Variants in RBFOX1 observed in about 807,000 individuals in gnomAD.
RBFOX1 encodes the protein RNA binding fox-1 homolog 1.
RBFOX1 carries 8 observed loss-of-function variants against 57.7 expected under a neutral mutation model. The observed-to-expected ratio is 0.14, with a 90% CI of 0.08 to 0.25. The LOEUF is 0.25. Among genes scored for constraint, RBFOX1 ranks in the 10% least tolerant of loss-of-function variants. The pLI, the probability that RBFOX1 is intolerant of heterozygous loss-of-function variation, is 1.00. For missense variants in RBFOX1, 611 were observed against 548.5 expected (o/e 1.11, Z -1.14); for synonymous variants, 326 against 222.4 (o/e 1.47, Z -4.15).
At chr16:6,424,885 T>C (rs2093881386) in intron 2 of RBFOX1, among the ~76,000 whole-genome samples, 1 of 152,166 alleles carries the variant, frequency 6.6e-6, no homozygotes, top group Non-Finnish European at 1.5e-5. Context: ...ACAACACTAT[T>C]TGCACTATGT....
intron 3 of RBFOX1, among the ~76,000 whole-genome samples, chr16:6,843,715 A>T (rs2093615009): frequency 6.6e-6 from 1 of 152,200 alleles, no homozygotes; most frequent in Non-Finnish European, 1.5e-5. Context: ...ATTATAAAAA[A>T]GCTTTACAGG....
At chr16:5,366,795 A>G (rs1428086276) in intron 1 of RBFOX1, 9 of 258,682 alleles carry the variant, frequency 3.5e-5, no homozygotes, top group Admixed American at 5.5e-5. Context: ...AAATTTCCCT[A>G]TCGTGTTTGA....
chr16:5,490,908 T>G (rs2042806455), intron 2 of RBFOX1, among the ~76,000 whole-genome samples: 1 of 152,240 alleles, frequency 6.6e-6, no homozygotes. Flanking sequence ...TTGGGTGATT[T>G]CATTATGTGA....
intron 1 of RBFOX1, among the ~76,000 whole-genome samples, chr16:6,207,344 A>T (rs894844728): frequency 7.2e-5 from 11 of 152,238 alleles, no homozygotes; most frequent in Admixed American, 7.2e-4. Flanking sequence ...TGATAAAATT[A>T]TCTAGCAGCC....
chr16:6,346,219 C>G (rs549971027), intron 2 of RBFOX1, among the ~76,000 whole-genome samples: 4 of 152,200 alleles, frequency 2.6e-5, no homozygotes, highest in African/African-American at 9.6e-5. Context: ...ATATATAGTG[C>G]CAATAATGAG....
At chr16:7,216,165 A>G (rs1481990905) in intron 4 of RBFOX1, among the ~76,000 whole-genome samples, 1 of 152,112 alleles carries the variant, frequency 6.6e-6, no homozygotes, top group Non-Finnish European at 1.5e-5. Flanking sequence ...ACCATGTTGT[A>G]TTTACCTCTT....
At chr16:7,624,074 G>A (rs960684468) in intron 10 of RBFOX1, among the ~76,000 whole-genome samples, 3 of 152,136 alleles carry the variant, frequency 2.0e-5, no homozygotes, top group Non-Finnish European at 2.9e-5. Flanking sequence ...ATTTACCTCT[G>A]GTTGGTAAGG....
chr16:6,067,851 C>G lies in RBFOX1; in HGVS notation c.-127+47859C>G, dbSNP rs2095787277. Among the ~76,000 whole-genome samples the G allele has an allele frequency of 2.0e-5, 3 of 152,218 alleles. No individual in the cohort carries two copies. In the South Asian group the frequency reaches 6.2e-4, roughly 31 times the overall value. On this transcript the variant is annotated intron_variant, in intron 1 of 15. Coordinates refer to ENST00000550418, the MANE Select transcript of RBFOX1 (RefSeq NM_018723.4). The stretch of plus-strand genomic sequence containing the variant: ...TACCAGCCCACTGAAAACTCACAGA[C>G]TAAGCTTTCTAGACACTTAAGCATA...
rs76745997 is a variant in RBFOX1 at position 5,921,891 on chromosome 16, C to T, written c.351+54556C>T. On this transcript the variant is annotated intron_variant, in intron 4 of 19. Coordinates refer to the RBFOX1 transcript ENST00000641259. ...GATAGGCCAGGTGTGGTGGCTTAGG[C>T]CTGTAATCCCAGCACTTTGGGAAGG... Among the ~76,000 whole-genome samples the T allele has an allele frequency of 2.6e-5, 4 of 151,948 alleles. No individual in the cohort carries two copies. The East Asian group carries it at 5.8e-4, about 22-fold the overall frequency.
At chr16:5,435,654 T>C (rs1343845105) in intron 1 of RBFOX1, among the ~76,000 whole-genome samples, 1 of 152,164 alleles carries the variant, frequency 6.6e-6, no homozygotes, top group Non-Finnish European at 1.5e-5. Flanking sequence ...ATGTTTATGG[T>C]TTCCAGGGAA....
intron 3 of RBFOX1, among the ~76,000 whole-genome samples, chr16:6,973,580 G>T (rs926852071): frequency 9.2e-5 from 14 of 152,048 alleles, no homozygotes; most frequent in African/African-American, 3.1e-4. Flanking sequence ...CTTCCCGAGG[G>T]GATTGTAAAT....
intron 1 of RBFOX1, among the ~76,000 whole-genome samples, chr16:5,275,443 C>T (rs1596365058): frequency 6.6e-6 from 1 of 152,144 alleles, no homozygotes; most frequent in Admixed American, 6.5e-5. Context: ...TTTATAATAG[C>T]TGTAAAAATA....
intron 3 of RBFOX1, among the ~76,000 whole-genome samples, chr16:6,884,870 C>T (rs552266921): frequency 2.0e-5 from 3 of 152,104 alleles, no homozygotes. Flanking sequence ...TGCACTCCAG[C>T]CTGCATGGCA....
intron 3 of RBFOX1, among the ~76,000 whole-genome samples, chr16:6,911,319 C>T (rs541076025): frequency 3.3e-4 from 50 of 152,080 alleles, no homozygotes; most frequent in African/African-American, 1.2e-3. Flanking sequence ...AATGTTTTGC[C>T]TTACACTTGT....
At chr16:6,474,038 A>G (rs1027630213) in intron 2 of RBFOX1, among the ~76,000 whole-genome samples, 2 of 152,162 alleles carry the variant, frequency 1.3e-5, no homozygotes, top group East Asian at 1.9e-4. Context: ...CCTGTAGACA[A>G]TAAGCTGGTT....
intron 1 of RBFOX1, chr16:6,038,315 G>A (rs1180290295): frequency 1.3e-5 from 2 of 150,064 alleles, no homozygotes; most frequent in East Asian, 3.9e-4. Context: ...CTGAGTAGGT[G>A]GGATTACAGG....
At chr16:5,372,748 T>A (rs1350084218) in intron 1 of RBFOX1, among the ~76,000 whole-genome samples, 3 of 152,224 alleles carry the variant, frequency 2.0e-5, no homozygotes, top group African/African-American at 7.2e-5. Context: ...GATAAACTGT[T>A]ATTAGTTTGA....
At chr16:7,349,781 A>G (rs1163560850) in intron 4 of RBFOX1, among the ~76,000 whole-genome samples, 1 of 152,156 alleles carries the variant, frequency 6.6e-6, no homozygotes, top group Non-Finnish European at 1.5e-5. Flanking sequence ...CTTATATCCT[A>G]TTAACAGGAA....
intron 3 of RBFOX1, among the ~76,000 whole-genome samples, chr16:5,767,332 A>C (rs28441686): frequency 6.6e-6 from 1 of 152,220 alleles, no homozygotes; most frequent in African/African-American, 2.4e-5. Context: ...TGGTCCATCT[A>C]GGTCAAGATG....
Sources: gnomAD v4.1 joint callset for allele counts (sites outside exome capture counted in the v4.1 genomes callset) on GRCh38, gnomAD v4.1.1 for gene constraint, MANE v1.5 for transcripts, NCBI Gene and HGNC (gene_info 2026-07-23, HGNC 2026-07-21) for gene names.